GALNT13: variants seen among roughly 807,000 people sequenced by gnomAD.
GALNT13 encodes the protein UDP-GalNAc:polypeptide N-acetylgalactosaminyltransferase 13.
In GALNT13, 28 loss-of-function variants were observed where a neutral mutation model predicts 64.2. That is an observed-to-expected ratio of 0.44 (90% confidence interval 0.32 to 0.60). The LOEUF (loss-of-function observed/expected upper bound fraction) is 0.60. GALNT13 is among the 20% of genes least tolerant of loss of function. The pLI, the probability that GALNT13 is intolerant of heterozygous loss-of-function variation, is 0.05. For missense variants in GALNT13, 577 were observed against 669.8 expected (o/e 0.86, Z 1.53); for synonymous variants, 214 against 224.6 (o/e 0.95, Z 0.42).
In GALNT13 at chr2:154,278,658, G is replaced by T. The variant is rs547738509; in HGVS notation, c.975+19520G>T. ...TGTCACAAAAACTTAGAAAGTTATG[G>T]TGATTGTCAACAGTGTCAAATGCTA... On this transcript the variant is annotated intron_variant, in intron 8 of 12. Transcript: ENST00000392825. Among the ~76,000 whole-genome samples the T allele has an allele frequency of 4.6e-4, 70 of 152,262 alleles. 1 individual carries two copies. Among genetic ancestry groups the T allele is most frequent in the Admixed American group, 4.6e-3 (70 of 15,284 alleles).
chr2:154,345,770 G>A (rs1474685353), intron 9 of GALNT13, among the ~76,000 whole-genome samples: 1 of 151,978 alleles, frequency 6.6e-6, no homozygotes, highest in Non-Finnish European at 1.5e-5. Flanking sequence ...ATAGGCTCAG[G>A]TACAAATGCT....
chr2:153,143,606 C>T, the GALNT13 span, among the ~76,000 whole-genome samples: 1 of 152,130 alleles, frequency 6.6e-6, no homozygotes, highest in Non-Finnish European at 1.5e-5. Context: ...TCTTGCAAAG[C>T]AAGTAGCAAA....
At chr2:153,676,300 C>A in the GALNT13 span, among the ~76,000 whole-genome samples, 23 of 151,998 alleles carry the variant, frequency 1.5e-4, no homozygotes. Flanking sequence ...TACAACCTCC[C>A]AAGATTGAAC....
intron 9 of GALNT13, among the ~76,000 whole-genome samples, chr2:154,308,260 G>T (rs188621961): frequency 3.9e-5 from 6 of 152,070 alleles, no homozygotes; most frequent in Admixed American, 6.6e-5. Flanking sequence ...TTACTTTGAA[G>T]GTTAACTCCC....
chr2:153,159,275 T>G, the GALNT13 span: 2 of 152,146 alleles, frequency 1.3e-5, no homozygotes, highest in African/African-American at 4.8e-5. Flanking sequence ...TCTTTGTAAT[T>G]AAAAAATATG....
At chr2:154,333,517 C>T (rs192143126) in intron 9 of GALNT13, among the ~76,000 whole-genome samples, 361 of 152,052 alleles carry the variant, frequency 2.4e-3, no homozygotes, top group African/African-American at 8.2e-3. Flanking sequence ...GTTTCTCATT[C>T]GCCATTTGTT....
At chr2:153,642,075 C>T in the GALNT13 span, among the ~76,000 whole-genome samples, 3 of 151,874 alleles carry the variant, frequency 2.0e-5, no homozygotes, top group Non-Finnish European at 4.4e-5. Flanking sequence ...AGGGGAAGTA[C>T]TAAGCTATTT....
At chr2:153,188,233 T>C in the GALNT13 span, among the ~76,000 whole-genome samples, 3 of 152,126 alleles carry the variant, frequency 2.0e-5, no homozygotes, top group Admixed American at 6.6e-5. Context: ...ATAATATTTT[T>C]ATTTCAAATT....
At position 153,965,800 on chromosome 2, in the gene GALNT13, C is replaced by CAA. The variant is rs60658571; in HGVS notation, c.142+21170_142+21171dup. Among the ~76,000 whole-genome samples, 726 of 146,346 alleles carry CAA rather than the reference C, an allele frequency of 5.0e-3. 8 individuals carry two copies. The highest frequency in any genetic ancestry group is 0.017 in the African/African-American group (667 of 40,120). On this transcript the variant is annotated intron_variant, in intron 3 of 12. Coordinates refer to ENST00000392825, the MANE Select transcript of GALNT13 (RefSeq NM_052917.4). Reference sequence around the variant, plus strand: ...GTCACAATGAAAAGGAAAAAATAAGCAAAAAAAAAACCCAAAAACTAAAAA... The same window carrying CAA: ...GTCACAATGAAAAGGAAAAAATAAGCAAAAAAAAAAAACCCAAAAACTAAAAA...
At chr2:153,190,384 T>C in the GALNT13 span, among the ~76,000 whole-genome samples, 1 of 152,092 alleles carries the variant, frequency 6.6e-6, no homozygotes, top group Admixed American at 6.5e-5. Context: ...CAAAAATCAA[T>C]TGGCTTTCAA....
chr2:154,192,220 AGT>A (rs1162422483), intron 4 of GALNT13, among the ~76,000 whole-genome samples: 2 of 152,026 alleles, frequency 1.3e-5, no homozygotes, highest in African/African-American at 4.8e-5. Flanking sequence ...TTCTTCTGTC[AGT>A]GTGTTCCTCT....
At chr2:153,755,803 T>C in the GALNT13 span, among the ~76,000 whole-genome samples, 1 of 152,144 alleles carries the variant, frequency 6.6e-6, no homozygotes, top group African/African-American at 2.4e-5. Flanking sequence ...TCAACATACT[T>C]ACTAGTCCTC....
chr2:153,113,809 G>GA, the GALNT13 span, among the ~76,000 whole-genome samples: 6 of 151,978 alleles, frequency 3.9e-5, no homozygotes, highest in African/African-American at 1.5e-4. Context: ...CTTATTTGGG[G>GA]AAAAAATACT....
the GALNT13 span, among the ~76,000 whole-genome samples, chr2:153,823,869 C>G: frequency 6.6e-6 from 1 of 152,138 alleles, no homozygotes; most frequent in East Asian, 1.9e-4. Flanking sequence ...AACTATGCTC[C>G]CAACAAGTTT....
intron 9 of GALNT13, among the ~76,000 whole-genome samples, chr2:154,368,500 C>G (rs1009115424): frequency 1.3e-5 from 2 of 152,054 alleles, no homozygotes; most frequent in Non-Finnish European, 2.9e-5. Flanking sequence ...CTTCATTGTT[C>G]GTAGAGTAAA....
chr2:153,511,653 G>T, the GALNT13 span, among the ~76,000 whole-genome samples: 1 of 152,168 alleles, frequency 6.6e-6, no homozygotes, highest in Admixed American at 6.5e-5. Context: ...ACAGTCAAAT[G>T]TGTTGGGTAC....
rs567743392 is a variant in GALNT13 at position 154,153,151 on chromosome 2, A to G, written c.311+12646A>G. Among the ~76,000 whole-genome samples the G allele has an allele frequency of 2.7e-3, 410 of 152,288 alleles. 1 individual carries two copies. Among genetic ancestry groups the G allele is most frequent in the Non-Finnish European group, 4.5e-3 (304 of 68,030 alleles). ...TGTTTGTTAGTTTTCCTTCTAACAGATAGGACCCTTAGCTGCAGGTCTGTT... is the reference window on the plus strand; with the variant it reads ...TGTTTGTTAGTTTTCCTTCTAACAGGTAGGACCCTTAGCTGCAGGTCTGTT... On this transcript the variant is annotated intron_variant, in intron 4 of 12. Coordinates refer to ENST00000392825, the MANE Select transcript of GALNT13 (RefSeq NM_052917.4).
At chr2:153,838,938 T>A in the GALNT13 span, among the ~76,000 whole-genome samples, 4 of 151,940 alleles carry the variant, frequency 2.6e-5, no homozygotes, top group African/African-American at 9.7e-5. Flanking sequence ...TACATTTGTG[T>A]CTTCTTCAAT....
the GALNT13 span, among the ~76,000 whole-genome samples, chr2:153,534,438 G>A: frequency 1.1e-4 from 16 of 151,516 alleles, no homozygotes; most frequent in Admixed American, 1.1e-3. Context: ...AGGACGGCTA[G>A]AGTGAGCTGG....
Sources: gnomAD v4.1 joint callset for allele counts (sites outside exome capture counted in the v4.1 genomes callset) on GRCh38, gnomAD v4.1.1 for gene constraint, MANE v1.5 for transcripts, NCBI Gene and HGNC (gene_info 2026-07-23, HGNC 2026-07-21) for gene names.